The following LRBA variants were observed in gnomAD, a reference collection of about 807,000 sequenced individuals.
LRBA encodes the protein lipopolysaccharide-responsive and beige-like anchor protein.
LRBA carries 176 observed loss-of-function variants against 330.0 expected under a neutral mutation model. The observed-to-expected ratio is 0.53, with a 90% CI of 0.47 to 0.60. The LOEUF is 0.60. Among genes scored for constraint, LRBA ranks in the 20% least tolerant of loss-of-function variants. The pLI is 0.00. For missense variants in LRBA, 3,259 were observed against 3,444.8 expected, an observed-to-expected ratio of 0.95 and a Z score of 1.35; for synonymous variants, 1,230 against 1,193.0, an observed-to-expected ratio of 1.03 and a Z score of -0.64.
chr4:150,951,671 T>C (rs1736851599), intron 2 of LRBA, among the ~76,000 whole-genome samples: 1 of 152,166 alleles, frequency 6.6e-6, no homozygotes, highest in Non-Finnish European at 1.5e-5. Context: ...TAAAATACTT[T>C]TCAGTATTTT....
chr4:150,843,136 G>T, intron 28 of LRBA, among the ~76,000 whole-genome samples: 1 of 152,136 alleles, frequency 6.6e-6, no homozygotes, highest in East Asian at 1.9e-4. Flanking sequence ...CCTAAGTGCA[G>T]GTCAGTGGTC....
At chr4:150,456,465 T>C (rs1754083982) in intron 44 of LRBA, among the ~76,000 whole-genome samples, 1 of 152,184 alleles carries the variant, frequency 6.6e-6, no homozygotes, top group African/African-American at 2.4e-5. Context: ...GCCATTTGTA[T>C]GCCTTCTTTT....
intron 26 of LRBA, among the ~76,000 whole-genome samples, chr4:150,847,723 A>C (rs1237289718): frequency 6.6e-6 from 1 of 152,178 alleles, no homozygotes; most frequent in Admixed American, 6.5e-5. Context: ...AAAATTATGC[A>C]AAAAAGGGTT....
intron 53 of LRBA, among the ~76,000 whole-genome samples, chr4:150,292,697 G>A (rs1728468559): frequency 6.6e-6 from 1 of 152,080 alleles, no homozygotes; most frequent in South Asian, 2.1e-4. Flanking sequence ...ATGGAAATAA[G>A]GAAAGGAGTA....
At chr4:150,489,131 A>ACATAATATATAATATATAAGAC (rs1758336174) in intron 41 of LRBA, among the ~76,000 whole-genome samples, 2 of 99,440 alleles carry the variant, frequency 2.0e-5, no homozygotes, top group Non-Finnish European at 3.7e-5. Flanking sequence ...ATATATAAGA[A>ACATAATATATAATATATAAGAC]TATATAATAT....
chr4:150,324,017 C>T (rs1207768800), intron 49 of LRBA, among the ~76,000 whole-genome samples: 2 of 152,138 alleles, frequency 1.3e-5, no homozygotes, highest in Non-Finnish European at 2.9e-5. Flanking sequence ...AAGCGAAAAA[C>T]ACAATTTGTG....
chr4:150,411,338 A>G (rs1456795278), intron 47 of LRBA, among the ~76,000 whole-genome samples: 2 of 152,192 alleles, frequency 1.3e-5, no homozygotes, highest in African/African-American at 4.8e-5. Context: ...TAACACAAAC[A>G]GGGAATGTAG....
At chr4:150,936,076 A>C (rs1735054414) in intron 2 of LRBA, among the ~76,000 whole-genome samples, 2 of 148,158 alleles carry the variant, frequency 1.3e-5, no homozygotes, top group African/African-American at 5.0e-5. Context: ...TGACACTTGC[A>C]AAAAAAAAAT....
chr4:150,284,780 C>T (rs547436615), intron 54 of LRBA, among the ~76,000 whole-genome samples: 1 of 152,200 alleles, frequency 6.6e-6, no homozygotes, highest in South Asian at 2.1e-4. Flanking sequence ...CCCACCTTAG[C>T]CTCCCAAAAT....
intron 47 of LRBA, among the ~76,000 whole-genome samples, chr4:150,403,200 G>A (rs1361419731): frequency 6.6e-6 from 1 of 152,240 alleles, no homozygotes; most frequent in East Asian, 1.9e-4. Context: ...AGGCAGGGGA[G>A]GGGTTACAGG....
chr4:150,423,893 T>G (rs1268287946), intron 46 of LRBA, among the ~76,000 whole-genome samples: 1 of 152,180 alleles, frequency 6.6e-6, no homozygotes, highest in East Asian at 1.9e-4. Flanking sequence ...AATATATTTT[T>G]AGGAGAAAAT....
chr4:150,960,148 T>G (rs1020299398), intron 2 of LRBA, among the ~76,000 whole-genome samples: 1 of 148,872 alleles, frequency 6.7e-6, no homozygotes, highest in Non-Finnish European at 1.5e-5. Flanking sequence ...CATGAAAAAA[T>G]ATATATAATA....
chr4:150,610,460 G>A (rs969856927), intron 37 of LRBA, among the ~76,000 whole-genome samples: 7 of 152,128 alleles, frequency 4.6e-5, no homozygotes, highest in African/African-American at 1.7e-4. Context: ...GTGGTGGTGT[G>A]TGCCTGTAAT....
chr4:150,942,358 A>G (rs1735767840), intron 2 of LRBA, among the ~76,000 whole-genome samples: 1 of 152,136 alleles, frequency 6.6e-6, no homozygotes, highest in Non-Finnish European at 1.5e-5. Flanking sequence ...AATTAGGTTA[A>G]ATTTGGTATT....
intron 34 of LRBA, among the ~76,000 whole-genome samples, chr4:150,770,044 A>T (rs1736334225): frequency 6.6e-6 from 1 of 152,216 alleles, no homozygotes; most frequent in Non-Finnish European, 1.5e-5. Flanking sequence ...GTGGTAAAGA[A>T]GATCTACCTT....
At chr4:150,398,670 A>T (rs1449087757) in intron 47 of LRBA, among the ~76,000 whole-genome samples, 1 of 151,570 alleles carries the variant, frequency 6.6e-6, no homozygotes, top group Non-Finnish European at 1.5e-5. Flanking sequence ...TCTGTCACCC[A>T]GGCTGGAGTG....
At chr4:150,351,726 C>T (rs1301228519) in intron 47 of LRBA, among the ~76,000 whole-genome samples, 1 of 152,040 alleles carries the variant, frequency 6.6e-6, no homozygotes, top group African/African-American at 2.4e-5. Context: ...TACAGTAATC[C>T]CCCCTCATCC....
intron 23 of LRBA, 56 bp from the exon 24 acceptor site, chr4:150,850,958 A>G: frequency 7.7e-7 from 1 of 1,293,020 alleles, no homozygotes; most frequent in South Asian, 1.4e-5. Context: ...AGGAGGCTTT[A>G]GCAAAGTAAA....
chr4:150,624,696 T>C (rs1776678588), intron 37 of LRBA, among the ~76,000 whole-genome samples: 1 of 152,070 alleles, frequency 6.6e-6, no homozygotes, highest in African/African-American at 2.4e-5. Context: ...TAAAACTAGA[T>C]AAAGGAATTA....
Sources: allele counts gnomAD v4.1 joint callset (sites outside exome capture counted in the v4.1 genomes callset), GRCh38; gene constraint gnomAD v4.1.1; transcripts MANE v1.5; gene names NCBI Gene and HGNC (gene_info 2026-07-23, HGNC 2026-07-21).